Variants in SMARCA2 observed in about 807,000 individuals in gnomAD.
SMARCA2 encodes the protein SWI/SNF-related matrix-associated actin-dependent regulator of chromatin subfamily A member 2.
In SMARCA2, 61 loss-of-function variants were observed where a neutral mutation model predicts 199.8. The observed-to-expected ratio is 0.31, with a 90% CI of 0.25 to 0.38. The LOEUF (loss-of-function observed/expected upper bound fraction) is 0.38, where lower values mean the gene tolerates loss of function less well. Among genes scored for constraint, SMARCA2 ranks in the 10% least tolerant of loss-of-function variants. The pLI, the probability that SMARCA2 is intolerant of heterozygous loss-of-function variation, is 1.00. For missense variants in SMARCA2, 1,344 were observed against 2,012.2 expected (o/e 0.67, Z 6.35); for synonymous variants, 935 against 732.0 (o/e 1.28, Z -4.48).
chr9:2,170,570 C>A lies in SMARCA2; in HGVS notation c.4253+98C>A, dbSNP rs1055278571. ...ATAATCGGCCTTTGGAAGCAAATTT[C>A]TTCGGTCACCTCCTGATCACCCCTA... On this transcript the variant is annotated intron_variant, in intron 29 of 33. Coordinates refer to ENST00000349721, the MANE Select transcript of SMARCA2 (RefSeq NM_003070.5). The surrounding 1 kb of genome is among the most constrained non-coding windows in gnomAD (Gnocchi z 4.7). 5.0e-6 allele frequency: 8 copies of A among 1,588,954 alleles called. No homozygotes were observed. The highest frequency in any genetic ancestry group is 6.9e-6 in the Non-Finnish European group (8 of 1,163,254).
Position 2,062,578 on chromosome 9 carries a change from G to C in SMARCA2, c.1692+1592G>C, listed in dbSNP as rs150170241. 2.6e-5 allele frequency among the ~76,000 whole-genome samples: 4 copies of C among 152,268 alleles called. No homozygotes were observed. The East Asian group carries it at 7.7e-4, about 29-fold the overall frequency. ...TACAGAACAGGGACTTGTCACAATTGTTTTTCATGGTGTTATTCTGCATGA... is the reference window on the plus strand; with the variant it reads ...TACAGAACAGGGACTTGTCACAATTCTTTTTCATGGTGTTATTCTGCATGA... On this transcript the variant is annotated intron_variant, in intron 9 of 33. Coordinates refer to ENST00000349721, the MANE Select transcript of SMARCA2 (RefSeq NM_003070.5).
intron 27 of SMARCA2, among the ~76,000 whole-genome samples, chr9:2,137,222 AG>A (rs2130672070): frequency 6.6e-6 from 1 of 152,320 alleles, no homozygotes; most frequent in Admixed American, 6.5e-5. Context: ...GGCATTTTGG[AG>A]GATACCTTTC....
chr9:2,103,918 C>G (rs1218535323), intron 22 of SMARCA2, 85 bp from the exon 23 acceptor site: 1 of 1,122,614 alleles, frequency 8.9e-7, no homozygotes, highest in African/African-American at 1.5e-5. Context: ...GTACAAAGGA[C>G]TATATGAAAA....
chr9:2,133,322 TAA>T (rs1431009101), intron 27 of SMARCA2, among the ~76,000 whole-genome samples: 2 of 152,198 alleles, frequency 1.3e-5, no homozygotes, highest in African/African-American at 4.8e-5. Context: ...TTTATTTTTT[TAA>T]GAGACAGGGT....
chr9:2,143,175 C>T (rs1317615724), intron 27 of SMARCA2, among the ~76,000 whole-genome samples: 1 of 152,054 alleles, frequency 6.6e-6, no homozygotes, highest in Admixed American at 6.5e-5. Flanking sequence ...GATGAGGATG[C>T]TTTGGGTAGG....
rs187483148 is a variant in SMARCA2, at chr9:2,039,878, T to C, written c.768T>C (p.Leu256=). ...PQTQQQQQPA[L]VNYNRPSGPG... is the part of the protein sequence containing the mutation. ...CGCAGCAACAACAGCAGCCGGCCCT[T>C]GTTAACTACAACAGACCATCTGGTA... The change falls in exon 4 of 34, where the codon CTT becomes CTC. Residue 256 remains leucine (L), a synonymous_variant. Coordinates refer to ENST00000349721, the MANE Select transcript of SMARCA2 (RefSeq NM_003070.5). This position sits in a 1 kb window ranked among gnomAD's most constrained non-coding sequence, Gnocchi z 4.8. 6.2e-7 allele frequency: 1 copy of C among 1,613,868 alleles called. No homozygotes were observed. The highest frequency in any genetic ancestry group is 1.3e-5 in the African/African-American group (1 of 75,020).
chr9:2,134,434 C>A (rs140775877), intron 27 of SMARCA2, among the ~76,000 whole-genome samples: 4 of 152,196 alleles, frequency 2.6e-5, no homozygotes, highest in African/African-American at 9.6e-5. Flanking sequence ...TGTACACCAA[C>A]CTATACTCAC....
At chr9:2,051,202 C>T (rs1176466477) in intron 5 of SMARCA2, among the ~76,000 whole-genome samples, 5 of 152,290 alleles carry the variant, frequency 3.3e-5, no homozygotes, top group East Asian at 3.9e-4. Context: ...TTGCTTCTTC[C>T]CCACCATGTG....
At chr9:2,040,329 G>A in intron 4 of SMARCA2, 1 of 247,764 alleles carries the variant, frequency 4.0e-6, no homozygotes, top group Admixed American at 5.0e-5. Context: ...TTGTTATGAA[G>A]AACATCTGGA....
At chr9:2,177,662 C>A (rs764784146) in intron 29 of SMARCA2, among the ~76,000 whole-genome samples, 5 of 152,136 alleles carry the variant, frequency 3.3e-5, no homozygotes, top group African/African-American at 4.8e-5. Context: ...AAGCAATTCT[C>A]CTGCCTCAGC....
chr9:2,162,217 G>A (rs1044896945), intron 28 of SMARCA2, among the ~76,000 whole-genome samples: 1 of 151,776 alleles, frequency 6.6e-6, no homozygotes, highest in East Asian at 1.9e-4. Flanking sequence ...CAGATGAAAG[G>A]GATTGGAATG....
At chr9:2,179,527 C>G (rs1826861060) in intron 29 of SMARCA2, among the ~76,000 whole-genome samples, 1 of 152,186 alleles carries the variant, frequency 6.6e-6, no homozygotes, top group East Asian at 1.9e-4. Flanking sequence ...ATAGAGAACT[C>G]TGGACTTGTC....
intron 1 of SMARCA2, chr9:2,015,853 G>C (rs1161764132): frequency 6.6e-6 from 1 of 152,352 alleles, no homozygotes; most frequent in Admixed American, 6.5e-5. Flanking sequence ...CCCCTTAAAA[G>C]TGAGGCGGCG....
intron 9 of SMARCA2, among the ~76,000 whole-genome samples, chr9:2,064,958 G>A (rs1048766171): frequency 1.3e-4 from 20 of 152,344 alleles, no homozygotes; most frequent in Middle Eastern, 6.8e-3. Context: ...GCCGAGGCGG[G>A]CGGATCACGA....
chr9:2,175,540 G>A (rs906668246), intron 29 of SMARCA2, among the ~76,000 whole-genome samples: 4 of 152,122 alleles, frequency 2.6e-5, no homozygotes, highest in African/African-American at 9.7e-5. Flanking sequence ...TTGGTAAAAC[G>A]TGCTGCTTAT....
At chr9:2,095,340 TC>T (rs1822230409) in intron 19 of SMARCA2, among the ~76,000 whole-genome samples, 1 of 151,968 alleles carries the variant, frequency 6.6e-6, no homozygotes, top group Non-Finnish European at 1.5e-5. Context: ...CGCCTCGGCC[TC>T]CCAAAGTGCT....
chr9:2,019,284 T>C (rs1476708054), intron 1 of SMARCA2, among the ~76,000 whole-genome samples: 10 of 152,176 alleles, frequency 6.6e-5, no homozygotes, highest in Non-Finnish European at 1.5e-4. Flanking sequence ...GAGGGCTTCC[T>C]TCAATGCAGC....
chr9:2,069,784 A>G (rs565963554), intron 9 of SMARCA2, among the ~76,000 whole-genome samples: 4 of 152,150 alleles, frequency 2.6e-5, no homozygotes, highest in Admixed American at 2.6e-4. Flanking sequence ...GATTTTTATT[A>G]TTTCAACTTT....
At chr9:2,187,750 T>C (rs2147263) in intron 32 of SMARCA2, among the ~76,000 whole-genome samples, 85,365 of 151,982 alleles carry the variant, frequency 0.56, 24,657 homozygotes, top group African/African-American at 0.7. Context: ...GTGTCTTCAC[T>C]GTATACCTCT....
Sources: gnomAD v4.1 joint callset for allele counts (sites outside exome capture counted in the v4.1 genomes callset) on GRCh38, gnomAD v4.1.1 for gene constraint, Gnocchi (gnomAD v3.1) non-coding constraint, MANE v1.5 for transcripts, NCBI Gene and HGNC (gene_info 2026-07-23, HGNC 2026-07-21) for gene names.